DLG1: variants seen among roughly 807,000 people sequenced by gnomAD.
The protein encoded by DLG1 is discs large MAGUK scaffold protein 1.
DLG1 carries 42 observed loss-of-function variants against 123.4 expected under a neutral mutation model. The observed-to-expected ratio is 0.34, with a 90% confidence interval of 0.27 to 0.44. The LOEUF is 0.44. DLG1 is among the 20% of genes least tolerant of loss of function. The pLI is 1.00. For synonymous variants in DLG1, 317 were observed against 356.2 expected (o/e 0.89, Z 1.24); for missense variants, 942 against 1,082.6 (o/e 0.87, Z 1.82).
At position 197,065,273 on chromosome 3, in the gene DLG1, T is replaced by C. The variant is rs748290914; in HGVS notation, c.2373+3A>G. 2 of 1,598,820 alleles carry C rather than the reference T, an allele frequency of 1.3e-6. No individual in the cohort carries two copies. The highest frequency in any genetic ancestry group is 3.5e-5 in the Admixed American group (2 of 56,832). Reference sequence around the variant, plus strand: ...TATATTCTGGGATTAGTCTGATGCTTACCTTTTCTGCTACTTCTCGTACAG... The same window carrying C: ...TATATTCTGGGATTAGTCTGATGCTCACCTTTTCTGCTACTTCTCGTACAG... On this transcript the variant is annotated splice_donor_region_variant and intron_variant, in intron 22 of 24. Transcript: ENST00000667157.
chr3:197,070,565 A>ACTTCTTTTTTTTTTTTTTT (rs535594183), intron 18 of DLG1: 1 of 76,190 alleles, frequency 1.3e-5, no homozygotes, highest in Admixed American at 1.6e-4. Context: ...TGGAAATTTC[A>ACTTCTTTTTTTTTTTTTTT]TTTTTTTTTT....
chr3:197,201,685 G>A (rs1211764673), intron 4 of DLG1, among the ~76,000 whole-genome samples: 1 of 151,978 alleles, frequency 6.6e-6, no homozygotes, highest in Non-Finnish European at 1.5e-5. Flanking sequence ...ACAAACAAAT[G>A]GAAAAACACC....
chr3:197,119,646 A>G (rs565418612), intron 11 of DLG1, 116 bp from the exon 12 acceptor site: 1 of 1,057,842 alleles, frequency 9.5e-7, no homozygotes, highest in Non-Finnish European at 1.2e-6. Flanking sequence ...AGAATTTGGT[A>G]GAGAAGATTT....
In DLG1 at chr3:197,043,983, T is replaced by C. The variant is rs1171818558; in HGVS notation, c.*640A>G. ...CAAGTAGATTAAAAACATTGAAACG[T>C]TGTTATTCCTAGCAAATGTCCTGGG... is the stretch of plus-strand genomic sequence containing the variant. On this transcript the variant is annotated 3_prime_UTR_variant, in exon 25 of 25. Transcript: ENST00000667157. 5 of 152,164 alleles carry C rather than the reference T, an allele frequency of 3.3e-5. No homozygotes were observed. The highest frequency in any genetic ancestry group is 9.7e-5 in the African/African-American group (4 of 41,442). 9.4% of individuals were successfully genotyped at this position (152,164 alleles called of 1,614,324 possible). A position where few individuals can be genotyped will look rare whatever the true frequency, so the allele number is the denominator to read the frequency against.
chr3:197,217,811 G>A (rs1734873502), intron 4 of DLG1, among the ~76,000 whole-genome samples: 1 of 152,150 alleles, frequency 6.6e-6, no homozygotes, highest in Non-Finnish European at 1.5e-5. Context: ...GGACTGAAAA[G>A]CAGCTTTGGA....
intron 4 of DLG1, among the ~76,000 whole-genome samples, chr3:197,229,034 G>C (rs911968222): frequency 6.6e-6 from 1 of 152,186 alleles, no homozygotes; most frequent in Non-Finnish European, 1.5e-5. Context: ...GGGACACCTG[G>C]CAATGTCTGC....
At chr3:197,068,569 G>A (rs1256084384) in intron 19 of DLG1, 4 of 1,452,374 alleles carry the variant, frequency 2.8e-6, no homozygotes, top group Non-Finnish European at 3.8e-6. Flanking sequence ...AAAAAAGAAA[G>A]TTAGAAAAGT....
At chr3:197,096,244 G>GT (rs1311411784) in intron 14 of DLG1, among the ~76,000 whole-genome samples, 11 of 152,172 alleles carry the variant, frequency 7.2e-5, no homozygotes, top group Non-Finnish European at 7.4e-5. Flanking sequence ...CAGGATTCAT[G>GT]TTTAAGTTTT....
chr3:197,198,023 CA>C (rs1723449500), intron 4 of DLG1, among the ~76,000 whole-genome samples: 1 of 151,976 alleles, frequency 6.6e-6, no homozygotes, highest in South Asian at 2.1e-4. Context: ...AGTTAGAAAA[CA>C]TAAGTGTAAA....
At chr3:197,069,731 T>C (rs556677865) in intron 18 of DLG1, 1 of 152,490 alleles carries the variant, frequency 6.6e-6, no homozygotes, top group South Asian at 2.1e-4. Flanking sequence ...GCTTTGCTCC[T>C]GTTTCTGAAG....
At chr3:197,259,922 A>G (rs369821739) in intron 4 of DLG1, among the ~76,000 whole-genome samples, 4 of 152,348 alleles carry the variant, frequency 2.6e-5, no homozygotes, top group African/African-American at 9.6e-5. Flanking sequence ...ACTTTCAACT[A>G]GCATGGCATG....
At chr3:197,136,388 C>A in intron 10 of DLG1, 154 bp downstream of exon 10, 2 of 573,984 alleles carry the variant, frequency 3.5e-6, no homozygotes, top group South Asian at 2.6e-5. Flanking sequence ...AAAGAATTAC[C>A]AAGAATCATT....
intron 3 of DLG1, chr3:197,293,829 AGGT>A (rs1203324837): frequency 1.3e-5 from 2 of 153,774 alleles, no homozygotes; most frequent in African/African-American, 4.8e-5. Context: ...CAAACAGCTC[AGGT>A]GGCCAAGACC....
chr3:197,046,697 C>T (rs1304520760), intron 24 of DLG1, among the ~76,000 whole-genome samples: 2 of 152,080 alleles, frequency 1.3e-5, no homozygotes, highest in Admixed American at 6.6e-5. Flanking sequence ...TGGCGAAATC[C>T]TGTCTCTACA....
chr3:197,138,739 A>T (rs1026820639), intron 8 of DLG1, among the ~76,000 whole-genome samples: 1 of 152,192 alleles, frequency 6.6e-6, no homozygotes, highest in Non-Finnish European at 1.5e-5. Context: ...TTTAGCACTA[A>T]CCACATGCCA....
At chr3:197,201,597 C>A (rs1007607232) in intron 4 of DLG1, among the ~76,000 whole-genome samples, 1 of 151,978 alleles carries the variant, frequency 6.6e-6, no homozygotes, top group African/African-American at 2.4e-5. Context: ...AAAATACCTA[C>A]GAATATATTC....
At chr3:197,084,844 T>C (rs1319247978) in intron 16 of DLG1, among the ~76,000 whole-genome samples, 7 of 151,768 alleles carry the variant, frequency 4.6e-5, no homozygotes, top group Admixed American at 3.9e-4. Flanking sequence ...TGGAGTGCAG[T>C]GGTGCAAACT....
chr3:197,238,097 G>GT (rs1746955564), intron 4 of DLG1, among the ~76,000 whole-genome samples: 1 of 152,170 alleles, frequency 6.6e-6, no homozygotes, highest in African/African-American at 2.4e-5. Flanking sequence ...AGGAAGCAGT[G>GT]TGAGAAACCT....
At chr3:197,075,300 GTAACTTA>G (rs1746435306) in intron 18 of DLG1, among the ~76,000 whole-genome samples, 1 of 129,510 alleles carries the variant, frequency 7.7e-6, no homozygotes, top group African/African-American at 2.9e-5. Context: ...TACTCTTGTG[GTAACTTA>G]TAACTTTCTC....
Sources: gnomAD v4.1 joint callset for allele counts (sites outside exome capture counted in the v4.1 genomes callset) on GRCh38, gnomAD v4.1.1 for gene constraint, MANE v1.5 for transcripts, NCBI Gene and HGNC (gene_info 2026-07-23, HGNC 2026-07-21) for gene names.